CDH6: variants seen among roughly 807,000 people sequenced by gnomAD.
CDH6 encodes the protein cadherin-6.
Under a neutral mutation model 78.0 loss-of-function variants are expected in CDH6, and 31 were observed. That is an observed-to-expected ratio of 0.40 (90% confidence interval 0.30 to 0.54). The LOEUF (loss-of-function observed/expected upper bound fraction) is 0.54, where lower values mean the gene tolerates loss of function less well. Among genes scored for constraint, CDH6 ranks in the 20% least tolerant of loss-of-function variants. The pLI, the probability that CDH6 is intolerant of heterozygous loss-of-function variation, is 0.56. For missense variants in CDH6, 724 were observed against 975.9 expected, an observed-to-expected ratio of 0.74 and a Z score of 3.44; for synonymous variants, 376 against 368.8, an observed-to-expected ratio of 1.02 and a Z score of -0.23.
At position 31,328,417 on chromosome 5, in the gene CDH6, A is replaced by G. The variant is rs553512860; in HGVS notation, c.*5109A>G. The stretch of plus-strand genomic sequence containing the variant: ...TAGTGTTTATTAAAGAATCAAATGT[A>G]TAGAATTACCAGGCATTCGTGGGGA... On this transcript the variant is annotated 3_prime_UTR_variant, in exon 12 of 12. Transcript: ENST00000265071. 2 of 204,174 alleles carry G rather than the reference A, an allele frequency of 9.8e-6. No individual in the cohort carries two copies. The highest frequency in any genetic ancestry group is 7.4e-5 in the East Asian group (1 of 13,464). The allele number at this position is 204,174 out of a possible 1,614,324, so 12.6% of individuals were successfully genotyped here. A position where few individuals can be genotyped will look rare whatever the true frequency, so the allele number is the denominator to read the frequency against.
intron 1 of CDH6, among the ~76,000 whole-genome samples, chr5:31,210,461 G>A (rs865813943): frequency 1.3e-5 from 2 of 152,078 alleles, no homozygotes; most frequent in Non-Finnish European, 1.5e-5. Context: ...CCGAGATCAC[G>A]CCACTGCACT....
intron 2 of CDH6, among the ~76,000 whole-genome samples, chr5:31,268,343 A>T (rs1252303733): frequency 6.6e-6 from 1 of 152,170 alleles, no homozygotes; most frequent in Non-Finnish European, 1.5e-5. Flanking sequence ...ATGTAAAGGT[A>T]CTCTTTCCAA....
chr5:31,233,520 A>AAAAAAAAAC (rs1554004628), intron 1 of CDH6, among the ~76,000 whole-genome samples: 1 of 149,862 alleles, frequency 6.7e-6, no homozygotes, highest in Non-Finnish European at 1.5e-5. Context: ...GTCTCAAAAA[A>AAAAAAAAAC]AAAAAACAAA....
chr5:31,300,286 G>A (rs181007534), intron 5 of CDH6, among the ~76,000 whole-genome samples: 7 of 152,140 alleles, frequency 4.6e-5, no homozygotes, highest in Admixed American at 6.5e-5. Flanking sequence ...TAGTTTTAAC[G>A]TAACTTTTCA....
At chr5:31,230,047 C>A (rs1741275615) in intron 1 of CDH6, among the ~76,000 whole-genome samples, 1 of 152,144 alleles carries the variant, frequency 6.6e-6, no homozygotes, top group African/African-American at 2.4e-5. Flanking sequence ...CGTGTCTGAA[C>A]AACAAAGTCA....
Position 31,305,330 on chromosome 5 carries a change from C to T in CDH6, c.1156C>T (p.Leu386=), listed in dbSNP as rs1480991074. 4.3e-6 allele frequency: 7 copies of T among 1,614,138 alleles called. No homozygotes were observed. Among genetic ancestry groups the T allele is most frequent in the Admixed American group, 1.7e-5 (1 of 60,020 alleles). ...AGATGAGCCACCTGTCTTCAGCAAACTGGCCTACATCTTACAAATAAGAGA... is the reference window on the plus strand; with the variant it reads ...AGATGAGCCACCTGTCTTCAGCAAATTGGCCTACATCTTACAAATAAGAGA... ...DVDEPPVFSK[L]AYILQIREDA... The change falls in exon 7 of 12, where the codon CTG becomes TTG. Residue 386 remains leucine (L), a synonymous_variant. Transcript: ENST00000265071.
intron 1 of CDH6, among the ~76,000 whole-genome samples, chr5:31,240,270 A>G (rs1458736620): frequency 6.6e-6 from 1 of 152,182 alleles, no homozygotes; most frequent in South Asian, 2.1e-4. Context: ...TTCCTTCTAT[A>G]GCATTTATAT....
At chr5:31,222,511 A>T (rs1383574447) in intron 1 of CDH6, among the ~76,000 whole-genome samples, 1 of 152,188 alleles carries the variant, frequency 6.6e-6, no homozygotes, top group African/African-American at 2.4e-5. Flanking sequence ...ATCGAGCTTA[A>T]TATGAAAGTG....
intron 1 of CDH6, among the ~76,000 whole-genome samples, chr5:31,246,883 T>C (rs566898061): frequency 1.9e-3 from 287 of 152,264 alleles, no homozygotes; most frequent in Non-Finnish European, 3.2e-3. Flanking sequence ...GCCTACCAGG[T>C]AGCTTACTGG....
intron 11 of CDH6, 60 bp downstream of exon 11, chr5:31,317,984 G>C: frequency 6.3e-7 from 1 of 1,584,692 alleles, no homozygotes; most frequent in Non-Finnish European, 8.6e-7. Flanking sequence ...CTGTTACTGT[G>C]ACACTCTAGA....
chr5:31,247,367 A>G (rs1046131342), intron 1 of CDH6, among the ~76,000 whole-genome samples: 5 of 152,254 alleles, frequency 3.3e-5, no homozygotes, highest in African/African-American at 9.6e-5. Flanking sequence ...CCAAAGACTC[A>G]TAAGTAAAGT....
chr5:31,257,631 A>C (rs1035266809), intron 1 of CDH6, among the ~76,000 whole-genome samples: 1 of 152,152 alleles, frequency 6.6e-6, no homozygotes, highest in African/African-American at 2.4e-5. Context: ...GGACTTCATC[A>C]GTCTCCCAAG....
chr5:31,235,236 C>CTTTTTTTTTTTTTTTT (rs543675071), intron 1 of CDH6, among the ~76,000 whole-genome samples: 13 of 110,644 alleles, frequency 1.2e-4, no homozygotes, highest in African/African-American at 3.1e-4. Context: ...ATTCCTTTTT[C>CTTTTTTTTTTTTTTTT]TTTTTTTTTT....
chr5:31,218,829 C>T (rs903680705), intron 1 of CDH6, among the ~76,000 whole-genome samples: 8 of 152,186 alleles, frequency 5.3e-5, no homozygotes, highest in Non-Finnish European at 1.0e-4. Context: ...CCTGCTGCTT[C>T]AAAAGCTCCC....
chr5:31,239,073 G>A (rs767053224), intron 1 of CDH6, among the ~76,000 whole-genome samples: 15 of 152,302 alleles, frequency 9.8e-5, no homozygotes, highest in East Asian at 1.9e-4. Flanking sequence ...TCAATGTATC[G>A]TGGCTGTGTG....
At chr5:31,306,697 G>A (rs888877723) in intron 7 of CDH6, among the ~76,000 whole-genome samples, 1 of 152,226 alleles carries the variant, frequency 6.6e-6, no homozygotes, top group African/African-American at 2.4e-5. Context: ...CCAGCCAAGT[G>A]CCAGGTACAT....
chr5:31,282,395 C>G (rs1219777396), intron 2 of CDH6, among the ~76,000 whole-genome samples: 11 of 152,062 alleles, frequency 7.2e-5, no homozygotes, highest in Admixed American at 7.2e-4. Flanking sequence ...TTCTCTCTCT[C>G]TCTTTCTCTC....
At chr5:31,223,294 T>C (rs1191172549) in intron 1 of CDH6, among the ~76,000 whole-genome samples, 1 of 152,222 alleles carries the variant, frequency 6.6e-6, no homozygotes, top group Non-Finnish European at 1.5e-5. Context: ...TTTTCATCTC[T>C]TTCTTTAACT....
intron 1 of CDH6, among the ~76,000 whole-genome samples, chr5:31,202,286 C>T (rs1318575128): frequency 6.6e-6 from 1 of 152,112 alleles, no homozygotes; most frequent in Non-Finnish European, 1.5e-5. Context: ...CTTAAATCTC[C>T]TTTTGCAGAA....
Sources: gnomAD v4.1 joint callset for allele counts (sites outside exome capture counted in the v4.1 genomes callset) on GRCh38, gnomAD v4.1.1 for gene constraint, MANE v1.5 for transcripts, NCBI Gene and HGNC (gene_info 2026-07-23, HGNC 2026-07-21) for gene names.